The following PPARG variants were observed in gnomAD, a reference collection of about 807,000 sequenced individuals.
The protein encoded by PPARG is peroxisome proliferator-activated receptor gamma.
Under a neutral mutation model 39.2 loss-of-function variants are expected in PPARG, and 17 were observed. The observed-to-expected ratio is 0.43, with a 90% confidence interval of 0.30 to 0.65. The LOEUF (loss-of-function observed/expected upper bound fraction) is 0.65. PPARG is among the 30% of genes least tolerant of loss of function. The pLI, the probability that PPARG is intolerant of heterozygous loss-of-function variation, is 0.13. For missense variants in PPARG, 406 were observed against 585.9 expected (o/e 0.69, Z 3.17); for synonymous variants, 223 against 215.7 (o/e 1.03, Z -0.30).
intron 7 of PPARG, among the ~76,000 whole-genome samples, chr3:12,427,912 G>A (rs1440436493): frequency 6.6e-6 from 1 of 152,184 alleles, no homozygotes; most frequent in Non-Finnish European, 1.5e-5. Flanking sequence ...TGTTTTGTTT[G>A]TTTGTTTGTT....
chr3:12,394,777 T>C (rs2125221359), intron 5 of PPARG, among the ~76,000 whole-genome samples: 1 of 152,328 alleles, frequency 6.6e-6, no homozygotes, highest in Non-Finnish European at 1.5e-5. Context: ...AAAACATTTC[T>C]AAATACAAAG....
upstream of PPARG, among the ~76,000 whole-genome samples, chr3:12,288,322 C>A (rs1223742174): frequency 6.6e-6 from 1 of 151,686 alleles, no homozygotes; most frequent in East Asian, 2.0e-4. Context: ...TCGCGTCTAC[C>A]GGAGCGCGCA....
At chr3:12,359,087 T>G (rs1488592657) in intron 2 of PPARG, among the ~76,000 whole-genome samples, 1 of 152,224 alleles carries the variant, frequency 6.6e-6, no homozygotes, top group Non-Finnish European at 1.5e-5. Flanking sequence ...AAGTACTTAC[T>G]ATCTCTATCA....
chr3:12,361,973 CTTAT>C (rs2125120063), intron 2 of PPARG, among the ~76,000 whole-genome samples: 1 of 152,240 alleles, frequency 6.6e-6, no homozygotes, highest in East Asian at 1.9e-4. Context: ...TATCCTTTCA[CTTAT>C]TTATTCTTTA....
intron 5 of PPARG, among the ~76,000 whole-genome samples, chr3:12,404,505 A>G (rs1151997): frequency 0.4 from 61,123 of 152,062 alleles, 13,722 homozygotes; most frequent in South Asian, 0.67. Context: ...ATAATAACAT[A>G]TAAAATAACT....
intron 2 of PPARG, among the ~76,000 whole-genome samples, chr3:12,322,878 T>C (rs67216730): frequency 0.24 from 35,832 of 152,124 alleles, 5,195 homozygotes; most frequent in Middle Eastern, 0.34. Context: ...CTTGGCTCAC[T>C]GCAACCTCAA....
chr3:12,376,245 G>A (rs534032838), intron 2 of PPARG, among the ~76,000 whole-genome samples: 2 of 151,946 alleles, frequency 1.3e-5, no homozygotes, highest in African/African-American at 2.4e-5. Context: ...CACCGCACCC[G>A]GCCTCAGGGC....
At chr3:12,420,465 A>G (rs1020151231) in intron 7 of PPARG, among the ~76,000 whole-genome samples, 4 of 152,228 alleles carry the variant, frequency 2.6e-5, no homozygotes, top group African/African-American at 9.6e-5. Flanking sequence ...AAAGTCTATC[A>G]GTTACTTTGG....
chr3:12,312,784 T>G (rs2047284871), intron 2 of PPARG, among the ~76,000 whole-genome samples: 1 of 152,236 alleles, frequency 6.6e-6, no homozygotes, highest in Admixed American at 6.5e-5. Flanking sequence ...ATGATACTTT[T>G]AATTAAATTG....
At chr3:12,386,856 C>T (rs1435657766) in intron 4 of PPARG, among the ~76,000 whole-genome samples, 1 of 152,080 alleles carries the variant, frequency 6.6e-6, no homozygotes, top group Admixed American at 6.5e-5. Flanking sequence ...TCTCCTAATG[C>T]TATCCCTCCC....
chr3:12,351,123 A>C (rs918950295), intron 2 of PPARG, among the ~76,000 whole-genome samples: 1 of 152,228 alleles, frequency 6.6e-6, no homozygotes, highest in African/African-American at 2.4e-5. Context: ...CTTTGCCCAA[A>C]TAAGCTTTCT....
At chr3:12,332,565 T>C (rs1414355067) in intron 2 of PPARG, among the ~76,000 whole-genome samples, 1 of 152,240 alleles carries the variant, frequency 6.6e-6, no homozygotes, top group African/African-American at 2.4e-5. Context: ...TTGTTTAATA[T>C]GTGGATTTTT....
At chr3:12,359,670 A>ATTTTTT (rs2048774927) in intron 2 of PPARG, among the ~76,000 whole-genome samples, 5 of 130,350 alleles carry the variant, frequency 3.8e-5, no homozygotes, top group Non-Finnish European at 8.3e-5. Context: ...TTACTCTTTT[A>ATTTTTT]TTTCTTTTTT....
chr3:12,402,803 A>G (rs1404186629), intron 5 of PPARG, among the ~76,000 whole-genome samples: 1 of 152,178 alleles, frequency 6.6e-6, no homozygotes, highest in Admixed American at 6.5e-5. Context: ...TGAACAAGAA[A>G]TGAATGTAGT....
chr3:12,342,512 G>A (rs1181959870), intron 2 of PPARG, among the ~76,000 whole-genome samples: 1 of 152,148 alleles, frequency 6.6e-6, no homozygotes, highest in Non-Finnish European at 1.5e-5. Flanking sequence ...ATGAAAAGAT[G>A]GAGATTATTG....
At chr3:12,316,548 A>T (rs1258689569) in intron 2 of PPARG, among the ~76,000 whole-genome samples, 1 of 152,144 alleles carries the variant, frequency 6.6e-6, no homozygotes, top group Non-Finnish European at 1.5e-5. Flanking sequence ...ATGCCATTGA[A>T]TGCACACTTA....
At chr3:12,337,173 A>G (rs2048036770) in intron 2 of PPARG, among the ~76,000 whole-genome samples, 1 of 152,240 alleles carries the variant, frequency 6.6e-6, no homozygotes, top group African/African-American at 2.4e-5. Flanking sequence ...GCCAACCAAT[A>G]GAAATATCTC....
chr3:12,422,681 A>G (rs1438623369), intron 7 of PPARG, among the ~76,000 whole-genome samples: 2 of 152,122 alleles, frequency 1.3e-5, no homozygotes, highest in African/African-American at 2.4e-5. Context: ...GAAGTTTGAG[A>G]CCAGCCTGGG....
intron 2 of PPARG, among the ~76,000 whole-genome samples, chr3:12,331,733 G>A (rs1485629926): frequency 1.3e-5 from 2 of 152,202 alleles, no homozygotes; most frequent in African/African-American, 4.8e-5. Context: ...GAATTAAAAG[G>A]ACATGGCGAT....
Sources: allele counts gnomAD v4.1 joint callset (sites outside exome capture counted in the v4.1 genomes callset), GRCh38; gene constraint gnomAD v4.1.1; transcripts MANE v1.5; gene names NCBI Gene and HGNC (gene_info 2026-07-23, HGNC 2026-07-21).